Variants in PAK5 observed in about 807,000 individuals in gnomAD.
PAK5 encodes the protein p21 (RAC1) activated kinase 5.
PAK5 carries 16 observed loss-of-function variants against 65.9 expected under a neutral mutation model. The observed-to-expected ratio is 0.24, with a 90% confidence interval of 0.16 to 0.37. PAK5 has a LOEUF of 0.37. PAK5 is among the 10% of genes least tolerant of loss of function. PAK5 has a pLI of 1.00. For missense variants in PAK5, 785 were observed against 903.9 expected (o/e 0.87, Z 1.69); for synonymous variants, 371 against 354.9 (o/e 1.05, Z -0.51).
At chr20:9,635,770 A>C (rs2046975975) in intron 3 of PAK5, among the ~76,000 whole-genome samples, 1 of 152,184 alleles carries the variant, frequency 6.6e-6, no homozygotes, top group Non-Finnish European at 1.5e-5. Flanking sequence ...GGTCTAAAAG[A>C]AGGGAGAGGC....
chr20:9,541,408 A>G (rs1293453545), intron 9 of PAK5, among the ~76,000 whole-genome samples: 7 of 152,184 alleles, frequency 4.6e-5, no homozygotes, highest in Non-Finnish European at 1.0e-4. Context: ...GGAAAACAGA[A>G]AAGACCCCAC....
At chr20:9,758,426 C>T (rs2123639518) in intron 1 of PAK5, among the ~76,000 whole-genome samples, 1 of 152,294 alleles carries the variant, frequency 6.6e-6, no homozygotes, top group East Asian at 1.9e-4. Context: ...GCCCGTGCAA[C>T]AACAGTGATG....
intron 1 of PAK5, among the ~76,000 whole-genome samples, chr20:9,792,688 G>A (rs1456278466): frequency 6.6e-6 from 1 of 152,094 alleles, no homozygotes; most frequent in Non-Finnish European, 1.5e-5. Flanking sequence ...TAGAAAGCTG[G>A]AGAATATATT....
At chr20:9,664,375 A>G (rs1234635117) in intron 2 of PAK5, among the ~76,000 whole-genome samples, 1 of 152,232 alleles carries the variant, frequency 6.6e-6, no homozygotes, top group African/African-American at 2.4e-5. Flanking sequence ...GGTTCCCTCC[A>G]GTAAATCAGA....
At chr20:9,758,125 G>A (rs1182247114) in intron 1 of PAK5, among the ~76,000 whole-genome samples, 3 of 152,136 alleles carry the variant, frequency 2.0e-5, no homozygotes, top group Admixed American at 6.6e-5. Flanking sequence ...AAATGTATGC[G>A]ATACTTTCTG....
intron 1 of PAK5, among the ~76,000 whole-genome samples, chr20:9,754,087 A>G (rs1380618740): frequency 1.3e-5 from 2 of 152,074 alleles, no homozygotes; most frequent in African/African-American, 4.8e-5. Flanking sequence ...CCCTTCCCAT[A>G]TCTTTCCAGA....
chr20:9,733,467 CAG>C (rs1226289694), intron 1 of PAK5, among the ~76,000 whole-genome samples: 1 of 150,760 alleles, frequency 6.6e-6, no homozygotes, highest in Admixed American at 6.6e-5. Context: ...TATCTTTTGA[CAG>C]AGTCTTGCTC....
intron 1 of PAK5, among the ~76,000 whole-genome samples, chr20:9,825,138 T>A (rs2049468897): frequency 6.6e-6 from 1 of 152,188 alleles, no homozygotes; most frequent in African/African-American, 2.4e-5. Flanking sequence ...CTCACAGTCA[T>A]TGCACACCCT....
intron 4 of PAK5, among the ~76,000 whole-genome samples, chr20:9,568,254 T>C (rs1458537811): frequency 6.6e-6 from 1 of 152,168 alleles, no homozygotes; most frequent in East Asian, 1.9e-4. Context: ...GCCAGCAGCT[T>C]ATCACAGTTA....
chr20:9,641,032 T>A (rs2047051880), intron 3 of PAK5, among the ~76,000 whole-genome samples: 1 of 152,164 alleles, frequency 6.6e-6, no homozygotes, highest in Non-Finnish European at 1.5e-5. Context: ...CCCACCCACA[T>A]CCTGCTGATT....
chr20:9,655,972 A>G (rs2047262266), intron 2 of PAK5, among the ~76,000 whole-genome samples: 1 of 152,114 alleles, frequency 6.6e-6, no homozygotes, highest in Admixed American at 6.5e-5. Context: ...TTTTAATTTA[A>G]TCATCTCTTT....
At chr20:9,726,448 C>T (rs763048967) in intron 1 of PAK5, among the ~76,000 whole-genome samples, 2 of 152,146 alleles carry the variant, frequency 1.3e-5, no homozygotes, top group Non-Finnish European at 2.9e-5. Context: ...GGCTTGCACA[C>T]AGCGATTTAA....
chr20:9,599,055 G>A (rs2046317752), intron 3 of PAK5, among the ~76,000 whole-genome samples: 2 of 152,092 alleles, frequency 1.3e-5, no homozygotes, highest in South Asian at 2.1e-4. Flanking sequence ...TGGTAACCTC[G>A]AATCTACTTT....
chr20:9,614,652 G>C (rs1368178688), intron 3 of PAK5, among the ~76,000 whole-genome samples: 2 of 152,170 alleles, frequency 1.3e-5, no homozygotes, highest in Non-Finnish European at 2.9e-5. Context: ...AACCATGCAA[G>C]CAAGAAGACA....
chr20:9,617,090 G>A (rs1461727820), intron 3 of PAK5, among the ~76,000 whole-genome samples: 2 of 152,188 alleles, frequency 1.3e-5, no homozygotes, highest in Non-Finnish European at 2.9e-5. Context: ...TATTCCAAGT[G>A]AGTCGATGGC....
chr20:9,768,193 CT>C lies in PAK5; in HGVS notation c.-161-56759del, dbSNP rs150819130. Among the ~76,000 whole-genome samples, 618 of 151,766 alleles carry C rather than the reference CT, an allele frequency of 4.1e-3. 6 individuals carry two copies. The highest frequency in any genetic ancestry group is 0.014 in the African/African-American group (586 of 41,324). On this transcript the variant is annotated intron_variant, in intron 1 of 9. Coordinates refer to ENST00000353224, the MANE Select transcript of PAK5 (RefSeq NM_177990.4). ...TGTTTAAGTTATACCAGGGTCTTCACTTTTTTTTAATCTAATTTCAACTTTT... is the reference window on the plus strand; with the variant it reads ...TGTTTAAGTTATACCAGGGTCTTCACTTTTTTTAATCTAATTTCAACTTTT...
intron 3 of PAK5, among the ~76,000 whole-genome samples, chr20:9,623,206 T>C (rs2046796221): frequency 6.6e-6 from 1 of 152,148 alleles, no homozygotes; most frequent in Admixed American, 6.5e-5. Flanking sequence ...TTGCATTTTG[T>C]GGGGAGAGAT....
intron 1 of PAK5, among the ~76,000 whole-genome samples, chr20:9,812,569 A>G (rs1443556899): frequency 6.6e-6 from 1 of 152,156 alleles, no homozygotes; most frequent in Non-Finnish European, 1.5e-5. Flanking sequence ...TGACCCACCC[A>G]TTACACTCCT....
chr20:9,636,631 AG>A (rs2123244930), intron 3 of PAK5, among the ~76,000 whole-genome samples: 1 of 152,336 alleles, frequency 6.6e-6, no homozygotes, highest in South Asian at 2.1e-4. Flanking sequence ...AAATTAGAAA[AG>A]GGATGGTAAA....
Sources: gnomAD v4.1 joint callset for allele counts (sites outside exome capture counted in the v4.1 genomes callset) on GRCh38, gnomAD v4.1.1 for gene constraint, MANE v1.5 for transcripts, NCBI Gene and HGNC (gene_info 2026-07-23, HGNC 2026-07-21) for gene names.